SH3RF1: variants seen among roughly 807,000 people sequenced by gnomAD.
SH3RF1 encodes the protein SH3 domain containing ring finger 1, also known as E3 ubiquitin-protein ligase SH3RF1.
SH3RF1 carries 32 observed loss-of-function variants against 74.0 expected under a neutral mutation model. That is an observed-to-expected ratio of 0.43 (90% CI 0.33 to 0.58). The LOEUF is 0.58. SH3RF1 is among the 20% of genes least tolerant of loss of function. The pLI, the probability that SH3RF1 is intolerant of heterozygous loss-of-function variation, is 0.05. For synonymous variants in SH3RF1, 396 were observed against 439.6 expected (o/e 0.90, Z 1.24); for missense variants, 954 against 1,130.9 (o/e 0.84, Z 2.24).
At chr4:169,243,507 C>A (rs1326997031) in intron 2 of SH3RF1, among the ~76,000 whole-genome samples, 2 of 152,150 alleles carry the variant, frequency 1.3e-5, no homozygotes, top group Non-Finnish European at 2.9e-5. Flanking sequence ...AACAAGATTC[C>A]TTCTCAATAA....
intron 11 of SH3RF1, among the ~76,000 whole-genome samples, chr4:169,097,434 T>C (rs1732950715): frequency 6.6e-6 from 1 of 152,152 alleles, no homozygotes; most frequent in East Asian, 1.9e-4. Flanking sequence ...GGCTCAGAAT[T>C]TGGAGTTAGT....
intron 2 of SH3RF1, among the ~76,000 whole-genome samples, chr4:169,259,590 T>C (rs911594232): frequency 6.6e-6 from 1 of 152,186 alleles, no homozygotes; most frequent in African/African-American, 2.4e-5. Context: ...TTAAGGTTAC[T>C]ACCTTCAGAA....
chr4:169,110,536 G>A (rs1733225376), intron 10 of SH3RF1, among the ~76,000 whole-genome samples: 1 of 152,094 alleles, frequency 6.6e-6, no homozygotes, highest in Non-Finnish European at 1.5e-5. Flanking sequence ...AGGCTGAGGT[G>A]GAAGGATTGC....
In SH3RF1 at chr4:169,162,706, A is replaced by G. The variant is rs542308042; in HGVS notation, c.394-6027T>C. Among the ~76,000 whole-genome samples the G allele has an allele frequency of 2.2e-3, 330 of 152,282 alleles. 5 individuals are homozygous for G. Among genetic ancestry groups the G allele is most frequent in the African/African-American group, 7.6e-3 (316 of 41,546 alleles). On this transcript the variant is annotated intron_variant, in intron 2 of 11. Coordinates refer to ENST00000284637, the MANE Select transcript of SH3RF1 (RefSeq NM_020870.4). The stretch of plus-strand genomic sequence containing the variant: ...CATGTCTTCTTTTTGCCTTTATTCT[A>G]CTATCCCAGTGTCCCCTTTTCTTGC...
At chr4:169,143,991 C>T (rs1733828722) in intron 4 of SH3RF1, among the ~76,000 whole-genome samples, 1 of 152,190 alleles carries the variant, frequency 6.6e-6, no homozygotes, top group Non-Finnish European at 1.5e-5. Flanking sequence ...CCCTGAACTT[C>T]ACACCGAAAG....
chr4:169,251,102 G>C (rs1731097245), intron 2 of SH3RF1, among the ~76,000 whole-genome samples: 1 of 152,120 alleles, frequency 6.6e-6, no homozygotes, highest in Non-Finnish European at 1.5e-5. Flanking sequence ...ACATAGTTTT[G>C]AGCAAGAGTG....
At chr4:169,189,131 T>A (rs1432054601) in intron 2 of SH3RF1, among the ~76,000 whole-genome samples, 1 of 152,250 alleles carries the variant, frequency 6.6e-6, no homozygotes, top group African/African-American at 2.4e-5. Context: ...TTTGTAAATG[T>A]CTAAAATGAA....
intron 2 of SH3RF1, among the ~76,000 whole-genome samples, chr4:169,218,275 AATAT>A (rs1730497873): frequency 7.8e-6 from 1 of 127,654 alleles, no homozygotes; most frequent in South Asian, 2.5e-4. Context: ...ATAGAATATA[AATAT>A]ATAATATATA....
In SH3RF1 at chr4:169,095,460, C is replaced by G. The variant is rs1243311830; in HGVS notation, c.*1059G>C. ...GCACAGTCTATATTACTGTGGGAAT[C>G]CAGTAATACATGCAAGACGTGGGGA... On this transcript the variant is annotated 3_prime_UTR_variant, in exon 12 of 12. Coordinates refer to ENST00000284637, the MANE Select transcript of SH3RF1 (RefSeq NM_020870.4). 2.0e-5 allele frequency: 3 copies of G among 152,578 alleles called. No homozygotes were observed. The highest frequency in any genetic ancestry group is 4.4e-5 in the Non-Finnish European group (3 of 68,030). The allele number at this position is 152,578 out of a possible 1,614,324, so 9.5% of individuals were successfully genotyped here.
chr4:169,103,046 G>A (rs1009165628), intron 11 of SH3RF1, among the ~76,000 whole-genome samples: 4 of 145,168 alleles, frequency 2.8e-5, no homozygotes, highest in African/African-American at 5.1e-5. Context: ...TCAGCCTCCC[G>A]AGTAGCTGGG....
At chr4:169,202,983 C>T (rs1208310203) in intron 2 of SH3RF1, among the ~76,000 whole-genome samples, 2 of 152,084 alleles carry the variant, frequency 1.3e-5, no homozygotes, top group Non-Finnish European at 1.5e-5. Flanking sequence ...CTCCTGAACA[C>T]TATTTGGGAT....
At chr4:169,121,964 A>T (rs1733441671) in intron 7 of SH3RF1, 136 bp downstream of exon 7, 2 of 1,096,322 alleles carry the variant, frequency 1.8e-6, no homozygotes, top group Non-Finnish European at 2.6e-6. Context: ...ACCAGGTAGA[A>T]GTTTGCAGGA....
At chr4:169,125,832 G>A (rs1378156579) in intron 6 of SH3RF1, among the ~76,000 whole-genome samples, 2 of 152,230 alleles carry the variant, frequency 1.3e-5, no homozygotes, top group African/African-American at 4.8e-5. Flanking sequence ...TGGTTGATGA[G>A]GGAATGGTTC....
chr4:169,128,757 G>A (rs1007144198), intron 6 of SH3RF1, among the ~76,000 whole-genome samples: 1 of 152,154 alleles, frequency 6.6e-6, no homozygotes, highest in Admixed American at 6.5e-5. Context: ...AAGCACTCTA[G>A]CAGAGGGAAA....
In SH3RF1 at chr4:169,096,399, T is replaced by C. The variant is rs1027887872; in HGVS notation, c.*120A>G. ...ACTGTGCTGGGGCATCAGAGTCACA[T>C]ACCAATCCTTTGCTCATCTCCTGAC... On this transcript the variant is annotated 3_prime_UTR_variant, in exon 12 of 12. Coordinates refer to ENST00000284637, the MANE Select transcript of SH3RF1 (RefSeq NM_020870.4). The C allele has an allele frequency of 2.5e-5, 26 of 1,058,328 alleles. No individual in the cohort carries two copies. The highest frequency in any genetic ancestry group is 3.2e-5 in the Non-Finnish European group (23 of 725,212). 65.6% of individuals were successfully genotyped at this position (1,058,328 alleles called of 1,614,324 possible).
intron 2 of SH3RF1, among the ~76,000 whole-genome samples, chr4:169,223,990 G>A (rs1730612829): frequency 6.6e-6 from 1 of 152,218 alleles, no homozygotes; most frequent in Non-Finnish European, 1.5e-5. Context: ...GATAAGTACA[G>A]GTAAGAATGA....
rs1734033629 is a variant in SH3RF1, at chr4:169,155,384, T to C, written c.765+96A>G. On this transcript the variant is annotated intron_variant, in intron 4 of 11. Transcript: ENST00000284637. ...TGTAACAGGGCATTCCTGGTGCTTT[T>C]TGTTGTGAGGACTTCTTAATACTCA... is the stretch of plus-strand genomic sequence containing the variant. 4.6e-6 allele frequency: 4 copies of C among 876,928 alleles called. 1 individual carries two copies. The highest frequency in any genetic ancestry group is 7.3e-6 in the Non-Finnish European group (4 of 547,356). The allele number at this position is 876,928 out of a possible 1,614,324, so 54.3% of individuals were successfully genotyped here.
rs558288410 is a variant in SH3RF1 at position 169,161,218 on chromosome 4, C to T, written c.394-4539G>A. On this transcript the variant is annotated intron_variant, in intron 2 of 11. Transcript: ENST00000284637. ...TTGTCATTCACACTGCCAGCTTTAT[C>T]AAAAAGCTTGGCAATTTAGACAGGC... 6.5e-4 allele frequency among the ~76,000 whole-genome samples: 99 copies of T among 152,288 alleles called. 1 individual carries two copies. Among genetic ancestry groups the T allele is most frequent in the Admixed American group, 6.3e-3 (97 of 15,302 alleles).
intron 4 of SH3RF1, among the ~76,000 whole-genome samples, chr4:169,140,344 C>T (rs1017193339): frequency 6.6e-6 from 1 of 152,156 alleles, no homozygotes; most frequent in Non-Finnish European, 1.5e-5. Context: ...TAACTATGAC[C>T]TTTAATGTTA....
Sources: gnomAD v4.1 joint callset for allele counts (sites outside exome capture counted in the v4.1 genomes callset) on GRCh38, gnomAD v4.1.1 for gene constraint, MANE v1.5 for transcripts, NCBI Gene and HGNC (gene_info 2026-07-23, HGNC 2026-07-21) for gene names.